The following CPEB1 variants were observed in gnomAD, a reference collection of about 807,000 sequenced individuals.
CPEB1 encodes the protein cytoplasmic polyadenylation element binding protein 1, also known as cytoplasmic polyadenylation element-binding protein 1.
Under a neutral mutation model 65.8 loss-of-function variants are expected in CPEB1, and 7 were observed. The observed-to-expected ratio is 0.11, with a 90% CI of 0.06 to 0.20. The LOEUF is 0.20. Among genes scored for constraint, CPEB1 ranks in the 10% least tolerant of loss-of-function variants. The pLI is 1.00. For missense variants in CPEB1, 551 were observed against 712.2 expected, an observed-to-expected ratio of 0.77 and a Z score of 2.58; for synonymous variants, 262 against 260.0, an observed-to-expected ratio of 1.01 and a Z score of -0.08.
chr15:82,643,817 TA>T (rs2047288718), intron 1 of CPEB1, among the ~76,000 whole-genome samples: 1 of 152,142 alleles, frequency 6.6e-6, no homozygotes, highest in Non-Finnish European at 1.5e-5. Flanking sequence ...CAGACTGCTT[TA>T]AAAAAATTTT....
chr15:82,628,298 CA>C, intron 2 of CPEB1, 65 bp downstream of exon 2: 1 of 701,002 alleles, frequency 1.4e-6, no homozygotes, highest in South Asian at 1.5e-5. Context: ...GTAGATATGA[CA>C]AAAAAAGGTT....
At chr15:82,593,742 G>T (rs999382626) in intron 3 of CPEB1, among the ~76,000 whole-genome samples, 1 of 152,188 alleles carries the variant, frequency 6.6e-6, no homozygotes, top group African/African-American at 2.4e-5. Context: ...AATAAGACTT[G>T]AAAGTAAAAA....
Position 82,584,970 on chromosome 15 carries a change from G to C in CPEB1, c.272-13438C>G, listed in dbSNP as rs972338469. On this transcript the variant is annotated intron_variant, in intron 3 of 12. Coordinates refer to ENST00000684509, the MANE Select transcript of CPEB1 (RefSeq NM_001365242.1). ...AAAAAAAATGCAAGCTATTAAACTG[G>C]GTAAGGTGACAACATCCCCTAAATA... Among the ~76,000 whole-genome samples the C allele has an allele frequency of 5.4e-5, 7 of 130,050 alleles. No individual in the cohort carries two copies. The Admixed American group carries it at 6.2e-4, about 11-fold the overall frequency. The allele number at this position is 130,050 out of a possible 152,430, so 85.3% of individuals were successfully genotyped here.
At chr15:82,616,505 G>A (rs1432211897) in intron 3 of CPEB1, among the ~76,000 whole-genome samples, 3 of 151,436 alleles carry the variant, frequency 2.0e-5, no homozygotes, top group Admixed American at 6.6e-5. Context: ...AAGATCGGTG[G>A]TAAATACATT....
chr15:82,629,874 G>A, intron 1 of CPEB1: 8 of 985,364 alleles, frequency 8.1e-6, no homozygotes, highest in Non-Finnish European at 9.6e-6. Context: ...GACCTTAAAG[G>A]GACAAACTTG....
intron 4 of CPEB1, among the ~76,000 whole-genome samples, chr15:82,562,832 C>T (rs1276686538): frequency 1.4e-5 from 2 of 141,250 alleles, no homozygotes; most frequent in African/African-American, 2.7e-5. Context: ...AAAATCCTGT[C>T]TCAAAAAAAA....
intron 1 of CPEB1, among the ~76,000 whole-genome samples, chr15:82,646,209 GAC>G (rs1374735484): frequency 6.6e-6 from 1 of 152,222 alleles, no homozygotes; most frequent in Non-Finnish European, 1.5e-5. Context: ...GTCCTTAGCA[GAC>G]ACTCTTCCCG....
intron 5 of CPEB1, 170 bp downstream of exon 5, chr15:82,557,590 A>G (rs1567175786): frequency 1.6e-6 from 1 of 607,332 alleles, no homozygotes; most frequent in Non-Finnish European, 2.9e-6. Flanking sequence ...CTATCCTGTT[A>G]AGGATGAGAA....
At chr15:82,628,277 T>A (rs921507560) in intron 2 of CPEB1, 87 bp downstream of exon 2, 1 of 702,558 alleles carries the variant, frequency 1.4e-6, no homozygotes, top group Admixed American at 2.0e-5. Context: ...CAGGAAATCA[T>A]GAAAGAAACT....
rs1413629094 is a variant in CPEB1, at chr15:82,565,475, T to C, written c.460+5869A>G. 2.0e-5 allele frequency among the ~76,000 whole-genome samples: 3 copies of C among 152,150 alleles called. No individual in the cohort carries two copies. The East Asian group carries it at 5.8e-4, about 29-fold the overall frequency. On this transcript the variant is annotated intron_variant, in intron 4 of 12. Transcript: ENST00000684509. ...GAGCAAAATAGCTAGCGTTAGACTG[T>C]TCCCATTTATATTCAAAGCCACGAG...
At chr15:82,644,487 T>C (rs1472640320) in intron 1 of CPEB1, among the ~76,000 whole-genome samples, 1 of 152,196 alleles carries the variant, frequency 6.6e-6, no homozygotes, top group Admixed American at 6.5e-5. Context: ...GATTCCAAAC[T>C]AGCCTTCAGG....
At chr15:82,571,834 A>C in intron 3 of CPEB1, 1 of 1,170,064 alleles carries the variant, frequency 8.5e-7, no homozygotes, top group Non-Finnish European at 1.1e-6. Context: ...GAGCCGTGCA[A>C]TAGAGAGCGG....
At chr15:82,646,065 T>C (rs1238452947) in intron 1 of CPEB1, among the ~76,000 whole-genome samples, 9 of 152,096 alleles carry the variant, frequency 5.9e-5, no homozygotes, top group Admixed American at 3.3e-4. Context: ...TTTCTAACTA[T>C]GCAAAAAACC....
At chr15:82,614,493 A>C (rs1028803089) in intron 3 of CPEB1, among the ~76,000 whole-genome samples, 1 of 152,218 alleles carries the variant, frequency 6.6e-6, no homozygotes, top group East Asian at 1.9e-4. Context: ...AAATTACTGA[A>C]GTCTAAATAA....
At chr15:82,621,635 A>C (rs961493376) in intron 3 of CPEB1, among the ~76,000 whole-genome samples, 1 of 151,762 alleles carries the variant, frequency 6.6e-6, no homozygotes, top group South Asian at 2.1e-4. Flanking sequence ...AAAAAAAAAA[A>C]ATCTAACATC....
Position 82,568,124 on chromosome 15 carries a change from G to A in CPEB1, c.460+3220C>T, listed in dbSNP as rs183057850. 5.8e-4 allele frequency among the ~76,000 whole-genome samples: 88 copies of A among 152,294 alleles called. No homozygotes were observed. In the East Asian group the frequency reaches 0.016, roughly 28 times the overall value. On this transcript the variant is annotated intron_variant, in intron 4 of 12. Transcript: ENST00000684509. ...GAAGCATATGAATTTTGTAACCAGA[G>A]ACCTGGGTTAGAATTCTGAGCCTTC... is the stretch of plus-strand genomic sequence containing the variant.
At chr15:82,591,521 C>T (rs558703900) in intron 3 of CPEB1, among the ~76,000 whole-genome samples, 1 of 152,188 alleles carries the variant, frequency 6.6e-6, no homozygotes, top group Non-Finnish European at 1.5e-5. Flanking sequence ...CCCACCTCGG[C>T]CTCCCAAAGT....
At chr15:82,564,213 G>A (rs1191944978) in intron 4 of CPEB1, among the ~76,000 whole-genome samples, 2 of 152,218 alleles carry the variant, frequency 1.3e-5, no homozygotes, top group Non-Finnish European at 2.9e-5. Flanking sequence ...ATTCCATAGA[G>A]CCAGTACGCT....
chr15:82,552,498 T>C lies in CPEB1; in HGVS notation c.1263A>G (p.Arg421=), dbSNP rs1327892069. The C allele has an allele frequency of 6.3e-7, 1 of 1,590,030 alleles. No homozygotes were observed. Among genetic ancestry groups the C allele is most frequent in the Non-Finnish European group, 8.5e-7 (1 of 1,170,276 alleles). ...LSEYYFKMSS[R]RMRCKEVQVI... is the part of the protein sequence containing the mutation. ...AACTCACCTCCTTGCAGCGCATCCT[T>C]CGGCTGGACATCTTGAAATAATATT... The change falls in exon 9 of 13, where the codon CGA becomes CGG. Residue 421 remains arginine, a synonymous_variant. Transcript: ENST00000684509.
Sources: allele counts gnomAD v4.1 joint callset (sites outside exome capture counted in the v4.1 genomes callset), GRCh38; gene constraint gnomAD v4.1.1; transcripts MANE v1.5; gene names NCBI Gene and HGNC (gene_info 2026-07-23, HGNC 2026-07-21).